The following SINHCAF variants were observed in gnomAD, a reference collection of about 807,000 sequenced individuals.
The protein encoded by SINHCAF is SIN3-HDAC complex-associated factor.
SINHCAF carries 3 observed loss-of-function variants against 25.8 expected under a neutral mutation model. The observed-to-expected ratio is 0.12, with a 90% confidence interval of 0.05 to 0.30. The LOEUF (loss-of-function observed/expected upper bound fraction) is 0.30, where lower values mean the gene tolerates loss of function less well. Among genes scored for constraint, SINHCAF ranks in the 10% least tolerant of loss-of-function variants. The probability of loss-of-function intolerance (pLI) is 1.00; values close to 1 mark genes in which losing one functional copy is unlikely to be tolerated. For missense variants in SINHCAF, 121 were observed against 262.3 expected (o/e 0.46, Z 3.72); for synonymous variants, 70 against 85.5 (o/e 0.82, Z 1.00).
At chr12:31,310,971 G>A (rs1250168255) in intron 1 of SINHCAF, among the ~76,000 whole-genome samples, 1 of 151,200 alleles carries the variant, frequency 6.6e-6, no homozygotes, top group Non-Finnish European at 1.5e-5. Context: ...TGAGGTTCAA[G>A]CAATTCTCCT....
chr12:31,296,707 T>C (rs1229793624), intron 2 of SINHCAF, among the ~76,000 whole-genome samples: 1 of 151,730 alleles, frequency 6.6e-6, no homozygotes. Context: ...ATAGAAAAAT[T>C]AGCAGGGCAT....
Position 31,320,480 on chromosome 12 carries a change from C to T in SINHCAF, c.-21+5544G>A, listed in dbSNP as rs1009282850. 5.3e-5 allele frequency among the ~76,000 whole-genome samples: 8 copies of T among 152,250 alleles called. No individual in the cohort carries two copies. In the East Asian group the frequency reaches 1.5e-3, roughly 29 times the overall value. ...ATCTCCTCTACTCAATAGTAAACCG[C>T]TGTAGAGCAGAAACTAAGTCTTGTA... On this transcript the variant is annotated intron_variant, in intron 1 of 5. Coordinates refer to ENST00000337682, the MANE Select transcript of SINHCAF (RefSeq NM_001135812.2).
chr12:31,284,517 G>GT (rs1246482365), intron 5 of SINHCAF, among the ~76,000 whole-genome samples: 5 of 152,012 alleles, frequency 3.3e-5, no homozygotes, highest in East Asian at 1.9e-4. Context: ...AAACCTGGAG[G>GT]TTTTTTTAAA....
At chr12:31,297,961 T>A in intron 2 of SINHCAF, 116 bp downstream of exon 2, 1 of 1,071,378 alleles carries the variant, frequency 9.3e-7, no homozygotes, top group Admixed American at 2.2e-5. Context: ...CAGCCTAAAT[T>A]AGAATAAGTG....
intron 1 of SINHCAF, among the ~76,000 whole-genome samples, chr12:31,319,400 C>T (rs901937366): frequency 2.0e-5 from 3 of 152,118 alleles, no homozygotes; most frequent in Admixed American, 6.5e-5. Flanking sequence ...TGGTGGCGTG[C>T]GCCTGTAATC....
At chr12:31,304,014 G>T (rs1349624364) in intron 1 of SINHCAF, 4 of 151,742 alleles carry the variant, frequency 2.6e-5, no homozygotes, top group African/African-American at 9.7e-5. Context: ...AGCTACTCGG[G>T]AGGCTGAGGT....
intron 1 of SINHCAF, among the ~76,000 whole-genome samples, chr12:31,319,355 C>T (rs555701209): frequency 1.3e-5 from 2 of 152,200 alleles, no homozygotes; most frequent in Admixed American, 1.3e-4. Context: ...GGTGAAACAC[C>T]GTTTCTACTA....
chr12:31,295,168 G>A, intron 3 of SINHCAF, 66 bp downstream of exon 3: 1 of 962,710 alleles, frequency 1.0e-6, no homozygotes, highest in Non-Finnish European at 1.6e-6. Context: ...TCCTAAATTA[G>A]GGGGAAATTA....
At chr12:31,308,192 A>T (rs1213203435) in intron 1 of SINHCAF, among the ~76,000 whole-genome samples, 2 of 152,068 alleles carry the variant, frequency 1.3e-5, no homozygotes. Flanking sequence ...TGCCCACCTC[A>T]GCTTCTCAAA....
chr12:31,308,123 T>C (rs530815894), intron 1 of SINHCAF, among the ~76,000 whole-genome samples: 7 of 152,322 alleles, frequency 4.6e-5, no homozygotes, highest in African/African-American at 1.7e-4. Context: ...GTATTTTTAG[T>C]AGAGACACGG....
At chr12:31,319,935 T>C (rs1939636496) in intron 1 of SINHCAF, among the ~76,000 whole-genome samples, 1 of 152,172 alleles carries the variant, frequency 6.6e-6, no homozygotes, top group South Asian at 2.1e-4. Flanking sequence ...CAAAAACAAC[T>C]TGGAAGCCAA....
intron 1 of SINHCAF, chr12:31,303,525 A>G (rs9971805): frequency 0.25 from 37,394 of 151,790 alleles, 4,897 homozygotes; most frequent in African/African-American, 0.32. Context: ...CATTGCCCAC[A>G]CTGGTCTCAA....
Position 31,325,046 on chromosome 12 carries a change from G to C in SINHCAF, c.-21+978C>G. ...GGTCGCAGCCCGAAGCACGTGGTCT[G>C]TCACGTAGAGCACAAAAAGCAGTGC... On this transcript the variant is annotated intron_variant, in intron 1 of 5. Transcript: ENST00000337682. This position sits in a 1 kb window ranked among gnomAD's most constrained non-coding sequence, Gnocchi z 5.9. 4.4e-6 allele frequency: 2 copies of C among 456,838 alleles called. No homozygotes were observed. The highest frequency in any genetic ancestry group is 3.1e-5 in the South Asian group (2 of 64,574). The allele number at this position is 456,838 out of a possible 1,614,324, so 28.3% of individuals were successfully genotyped here. A position where few individuals can be genotyped will look rare whatever the true frequency, so the allele number is the denominator to read the frequency against.
intron 1 of SINHCAF, among the ~76,000 whole-genome samples, chr12:31,311,287 G>A (rs527961320): frequency 6.6e-6 from 1 of 152,308 alleles, no homozygotes; most frequent in African/African-American, 2.4e-5. Context: ...GATCTGTTAG[G>A]GGATCCAACC....
intron 1 of SINHCAF, among the ~76,000 whole-genome samples, chr12:31,314,634 GCTAT>G (rs1238759366): frequency 2.0e-5 from 3 of 151,938 alleles, no homozygotes; most frequent in Non-Finnish European, 4.4e-5. Context: ...ATATTTGAGA[GCTAT>G]CTGTTAACAC....
chr12:31,292,280 T>C (rs1938360226), intron 4 of SINHCAF, among the ~76,000 whole-genome samples: 1 of 152,066 alleles, frequency 6.6e-6, no homozygotes, highest in Admixed American at 6.6e-5. Flanking sequence ...GGTGGGTGGA[T>C]TGCTTGAGCT....
intron 4 of SINHCAF, among the ~76,000 whole-genome samples, chr12:31,289,801 T>C (rs111892167): frequency 2.1e-4 from 7 of 32,840 alleles, no homozygotes; most frequent in Non-Finnish European, 2.1e-4. Flanking sequence ...AAAATTTGGG[T>C]TTTTTTTTTT....
chr12:31,319,690 C>G (rs1230274376), intron 1 of SINHCAF, among the ~76,000 whole-genome samples: 1 of 152,154 alleles, frequency 6.6e-6, no homozygotes, highest in African/African-American at 2.4e-5. Context: ...TTTCAGGTAT[C>G]ATTTTGCTTT....
chr12:31,321,177 A>G (rs1423060182), intron 1 of SINHCAF, among the ~76,000 whole-genome samples: 1 of 152,188 alleles, frequency 6.6e-6, no homozygotes, highest in Non-Finnish European at 1.5e-5. Context: ...GGAGAAACAA[A>G]AGACAACAAA....
Sources: allele counts gnomAD v4.1 joint callset (sites outside exome capture counted in the v4.1 genomes callset), GRCh38; gene constraint gnomAD v4.1.1; non-coding constraint Gnocchi (gnomAD v3.1); transcripts MANE v1.5; gene names NCBI Gene and HGNC (gene_info 2026-07-23, HGNC 2026-07-21).